Variants in GPATCH2 observed in about 807,000 individuals in gnomAD.
The protein encoded by GPATCH2 is G-patch domain containing 2.
GPATCH2 carries 51 observed loss-of-function variants against 58.0 expected under a neutral mutation model. The ratio of observed to expected loss-of-function variants is 0.88; its 90% CI spans 0.70 to 1.11. GPATCH2 has a LOEUF of 1.11. Ranked by LOEUF, GPATCH2 falls within the 50% of genes most tolerant of loss-of-function variation. The probability of loss-of-function intolerance (pLI) is 0.00; values close to 1 mark genes in which losing one functional copy is unlikely to be tolerated. For synonymous variants in GPATCH2, 222 were observed against 218.5 expected, an observed-to-expected ratio of 1.02 and a Z score of -0.14; for missense variants, 625 against 652.2, an observed-to-expected ratio of 0.96 and a Z score of 0.45.
intron 5 of GPATCH2, among the ~76,000 whole-genome samples, chr1:217,553,249 A>G (rs1162972476): frequency 6.6e-6 from 1 of 152,164 alleles, no homozygotes; most frequent in African/African-American, 2.4e-5. Context: ...ACCTATCAGT[A>G]GCTAAATTTG....
chr1:217,578,140 G>T (rs1038524095), intron 5 of GPATCH2, among the ~76,000 whole-genome samples: 4 of 150,588 alleles, frequency 2.7e-5, no homozygotes, highest in Admixed American at 1.3e-4. Flanking sequence ...AATGGCTGGG[G>T]GGGGATTACC....
rs115130073 is a variant in GPATCH2, at chr1:217,581,389, A to C, written c.1098+28932T>G. On this transcript the variant is annotated intron_variant, in intron 5 of 9. Transcript: ENST00000366935. ...GGAAGACAAAGGCAAGATGACAGAG[A>C]AGTTGAAGCTAAAAGAGGTTAAGGA... Among the ~76,000 whole-genome samples the C allele has an allele frequency of 2.6e-3, 401 of 152,356 alleles. 4 individuals carry two copies. The highest frequency in any genetic ancestry group is 9.2e-3 in the African/African-American group (382 of 41,596).
At chr1:217,478,993 G>GGA (rs1553327404) in intron 8 of GPATCH2, among the ~76,000 whole-genome samples, 1 of 147,174 alleles carries the variant, frequency 6.8e-6, no homozygotes, top group Non-Finnish European at 1.5e-5. Context: ...AATGCTAAAG[G>GGA]AAAAAAAAAA....
At chr1:217,540,625 T>C (rs940707486) in intron 5 of GPATCH2, among the ~76,000 whole-genome samples, 1 of 152,218 alleles carries the variant, frequency 6.6e-6, no homozygotes, top group African/African-American at 2.4e-5. Context: ...AGTGCTACTC[T>C]TTAAAGGATC....
chr1:217,567,206 C>T (rs1055740979), intron 5 of GPATCH2, among the ~76,000 whole-genome samples: 1 of 152,004 alleles, frequency 6.6e-6, no homozygotes, highest in African/African-American at 2.4e-5. Flanking sequence ...GCCACCTCAC[C>T]CAGCTAATTT....
chr1:217,592,463 G>T (rs1047154407), intron 5 of GPATCH2, among the ~76,000 whole-genome samples: 7 of 151,788 alleles, frequency 4.6e-5, no homozygotes, highest in African/African-American at 1.4e-4. Flanking sequence ...ATACCAATAT[G>T]ACTTCACTAT....
chr1:217,537,245 C>T (rs142269107), intron 5 of GPATCH2, among the ~76,000 whole-genome samples: 1,867 of 152,098 alleles, frequency 0.012, 21 homozygotes, highest in Middle Eastern at 0.041. Context: ...CGCACTTTAC[C>T]GTATTATATT....
chr1:217,619,651 T>C (rs1042311373), intron 2 of GPATCH2, 132 bp downstream of exon 2: 5 of 424,300 alleles, frequency 1.2e-5, no homozygotes, highest in African/African-American at 8.2e-5. Flanking sequence ...AATATAACCA[T>C]AGCTAAACAG....
chr1:217,604,360 G>A (rs1174491953), intron 5 of GPATCH2, among the ~76,000 whole-genome samples: 3 of 148,210 alleles, frequency 2.0e-5, no homozygotes, highest in Admixed American at 1.3e-4. Context: ...AAAAAAAAAA[G>A]TATCAGTGTC....
At chr1:217,630,885 A>G in intron 1 of GPATCH2, 31 bp downstream of exon 1, 6 of 1,508,150 alleles carry the variant, frequency 4.0e-6, no homozygotes, top group Non-Finnish European at 5.4e-6. Flanking sequence ...CCCTTCCCTG[A>G]CCTCCCCCTC....
At chr1:217,465,805 C>T (rs75833288) in intron 8 of GPATCH2, among the ~76,000 whole-genome samples, 14,532 of 152,068 alleles carry the variant, frequency 0.096, 1,338 homozygotes, top group African/African-American at 0.24. Context: ...CAACTAGCTA[C>T]TAAAAAAGGA....
chr1:217,505,006 T>C (rs559987164), intron 6 of GPATCH2, among the ~76,000 whole-genome samples: 69 of 152,354 alleles, frequency 4.5e-4, no homozygotes, highest in African/African-American at 1.6e-3. Flanking sequence ...GTATTTACAC[T>C]GGAGCCAAGG....
At chr1:217,464,670 G>A (rs1350625914) in intron 8 of GPATCH2, among the ~76,000 whole-genome samples, 2 of 152,110 alleles carry the variant, frequency 1.3e-5, no homozygotes. Flanking sequence ...GAAACAGACG[G>A]TCTTAATAAA....
chr1:217,473,508 T>G, intron 8 of GPATCH2, among the ~76,000 whole-genome samples: 1 of 152,060 alleles, frequency 6.6e-6, no homozygotes. Context: ...TTCAAAGGTT[T>G]TGAGGTACAT....
chr1:217,455,701 A>G (rs930568944), intron 8 of GPATCH2, among the ~76,000 whole-genome samples: 2 of 152,120 alleles, frequency 1.3e-5, no homozygotes, highest in African/African-American at 4.8e-5. Context: ...AGAAGATGGC[A>G]GTACCCCAGC....
chr1:217,594,037 T>C (rs552085544), intron 5 of GPATCH2, among the ~76,000 whole-genome samples: 2 of 152,260 alleles, frequency 1.3e-5, no homozygotes, highest in Admixed American at 1.3e-4. Flanking sequence ...CTAAACAAGA[T>C]ACTGTTACAA....
At chr1:217,607,916 G>A (rs1181078847) in intron 5 of GPATCH2, among the ~76,000 whole-genome samples, 2 of 151,932 alleles carry the variant, frequency 1.3e-5, no homozygotes, top group African/African-American at 4.8e-5. Context: ...CTGTTTAATG[G>A]GTTGCAGCTC....
chr1:217,554,139 C>T (rs1043277125), intron 5 of GPATCH2, among the ~76,000 whole-genome samples: 2 of 152,198 alleles, frequency 1.3e-5, no homozygotes, highest in Non-Finnish European at 2.9e-5. Flanking sequence ...ACAACAGAAG[C>T]CTTGTTATAG....
chr1:217,622,834 G>A (rs528284745), intron 1 of GPATCH2, among the ~76,000 whole-genome samples: 24 of 152,132 alleles, frequency 1.6e-4, no homozygotes, highest in African/African-American at 3.1e-4. Context: ...GAGCCACCAC[G>A]CCCAGCCCCA....
Sources: gnomAD v4.1 joint callset for allele counts (sites outside exome capture counted in the v4.1 genomes callset) on GRCh38, gnomAD v4.1.1 for gene constraint, MANE v1.5 for transcripts, NCBI Gene and HGNC (gene_info 2026-07-23, HGNC 2026-07-21) for gene names.